IGHMBP2: variants seen among roughly 807,000 people sequenced by gnomAD.
IGHMBP2 encodes DNA-binding protein SMUBP-2.
A neutral mutation model predicts 96.0 loss-of-function variants in IGHMBP2; 81 were observed. The ratio of observed to expected loss-of-function variants is 0.84; its 90% CI spans 0.71 to 1.01. IGHMBP2 has a LOEUF of 1.01. IGHMBP2 is among the 50% of genes least tolerant of loss of function. The pLI, the probability that IGHMBP2 is intolerant of heterozygous loss-of-function variation, is 0.00. For synonymous variants in IGHMBP2, 557 were observed against 548.9 expected (o/e 1.01, Z -0.21); for missense variants, 1,227 against 1,306.3 (o/e 0.94, Z 0.94).
chr11:68,904,293 A>G (rs1858083243), intron 1 of IGHMBP2, among the ~76,000 whole-genome samples: 1 of 151,958 alleles, frequency 6.6e-6, no homozygotes, highest in Admixed American at 6.5e-5. Flanking sequence ...CACTAAGCTT[A>G]CACTCCTGGG....
intron 5 of IGHMBP2, among the ~76,000 whole-genome samples, chr11:68,913,618 C>T (rs1245763555): frequency 6.7e-6 from 1 of 149,670 alleles, no homozygotes; most frequent in Non-Finnish European, 1.5e-5. Context: ...CAGCGTCTCA[C>T]TTTTAATAGT....
intron 7 of IGHMBP2, among the ~76,000 whole-genome samples, chr11:68,919,449 G>A (rs985019891): frequency 1.3e-5 from 2 of 152,176 alleles, no homozygotes; most frequent in African/African-American, 4.8e-5. Flanking sequence ...TTCTGTTATT[G>A]GTTTCTAATT....
In IGHMBP2 at chr11:68,934,477, C is replaced by G. The variant is rs150549628; in HGVS notation, c.1551C>G (p.Leu517=). ...CTTTCCCTCCAGGCGAAGTCCGCCT[C>G]GTCAGTTTGCACATCCAGGCTCTGG... ...QSKGNPGEVR[L]VSLHIQALVD... Residue 517 remains leucine (L), a synonymous_variant, in exon 11 of 15, where the codon CTC becomes CTG. Coordinates refer to ENST00000255078, the MANE Select transcript of IGHMBP2 (RefSeq NM_002180.3). 1 of 1,610,126 alleles carries G rather than the reference C, an allele frequency of 6.2e-7. No individual in the cohort carries two copies. Among genetic ancestry groups the G allele is most frequent in the African/African-American group, 1.3e-5 (1 of 74,950 alleles).
chr11:68,906,969 A>G (rs1858226745), intron 2 of IGHMBP2, among the ~76,000 whole-genome samples: 1 of 152,012 alleles, frequency 6.6e-6, no homozygotes, highest in Non-Finnish European at 1.5e-5. Flanking sequence ...TATGGCTACT[A>G]GAAAACTTAA....
chr11:68,911,372 T>A (rs1051811644), intron 4 of IGHMBP2, 68 bp from the exon 5 acceptor site: 12 of 1,535,578 alleles, frequency 7.8e-6, no homozygotes, highest in Non-Finnish European at 1.1e-5. Flanking sequence ...GGGCACACAC[T>A]CTCTGAGGAG....
At chr11:68,906,268 G>A (rs760896643) in intron 2 of IGHMBP2, 30 bp downstream of exon 2, 2 of 1,610,268 alleles carry the variant, frequency 1.2e-6, no homozygotes. Context: ...GACAGACATT[G>A]AAATTTACTG....
intron 13 of IGHMBP2, among the ~76,000 whole-genome samples, chr11:68,937,530 C>T (rs1329727561): frequency 6.6e-6 from 1 of 152,278 alleles, no homozygotes; most frequent in Admixed American, 6.5e-5. Flanking sequence ...CAGGGGCTGG[C>T]TGAGCGCAAA....
chr11:68,929,744 G>A, intron 8 of IGHMBP2: 2 of 985,450 alleles, frequency 2.0e-6, no homozygotes, highest in Non-Finnish European at 2.4e-6. Flanking sequence ...TCTTCAATCT[G>A]TAGACACATC....
At chr11:68,937,274 G>T (rs1216737264) in intron 13 of IGHMBP2, among the ~76,000 whole-genome samples, 183 bp downstream of exon 13, 1 of 152,202 alleles carries the variant, frequency 6.6e-6, no homozygotes, top group African/African-American at 2.4e-5. Flanking sequence ...CTAGGTCGGT[G>T]ATCAGGTCAC....
At chr11:68,932,653 G>C (rs1023334661) in intron 8 of IGHMBP2, 2 of 154,614 alleles carry the variant, frequency 1.3e-5, no homozygotes, top group African/African-American at 4.8e-5. Flanking sequence ...GAGTGGACTT[G>C]ACTGCTCACA....
chr11:68,934,287 T>TGCCC, intron 10 of IGHMBP2, 177 bp from the exon 11 acceptor site: 2 of 678,294 alleles, frequency 2.9e-6, no homozygotes, highest in Non-Finnish European at 5.4e-6. Flanking sequence ...AAATTCAAGT[T>TGCCC]AGCTGGGCAT....
intron 9 of IGHMBP2, 91 bp from the exon 10 acceptor site, chr11:68,933,704 T>C: frequency 8.8e-7 from 1 of 1,132,554 alleles, no homozygotes; most frequent in Non-Finnish European, 1.3e-6. Context: ...TACCTAAGCC[T>C]TTTCCTCGTG....
rs545841827 is a variant in IGHMBP2, at chr11:68,929,915, G to A, written c.1235+558G>A. 1.5e-4 allele frequency: 142 copies of A among 977,416 alleles called. No individual in the cohort carries two copies. The African/African-American group carries it at 2.5e-3, about 17-fold the overall frequency. 60.5% of individuals were successfully genotyped at this position (977,416 alleles called of 1,614,324 possible). On this transcript the variant is annotated intron_variant, in intron 8 of 14. Transcript: ENST00000255078. ...AGGCTGTCCTGGTGGAGACACTGGA[G>A]CCCTGATGCAGTGGCCTGGCCCAGG... is the stretch of plus-strand genomic sequence containing the variant.
chr11:68,935,197 C>T, intron 11 of IGHMBP2, 102 bp from the exon 12 acceptor site: 1 of 1,495,090 alleles, frequency 6.7e-7, no homozygotes. Flanking sequence ...TTCCCAGGTC[C>T]TGGCTGTTTC....
In IGHMBP2 at chr11:68,911,474, C is replaced by A. The variant is rs141587272; in HGVS notation, c.582C>A (p.Thr194=). The change falls in exon 5 of 15, where the codon ACC becomes ACA. Residue 194 remains threonine, a synonymous_variant. Coordinates refer to ENST00000255078, the MANE Select transcript of IGHMBP2 (RefSeq NM_002180.3). ...CATTCTTCAACACCTGCCTGGACAC[C>A]TCCCAGAAAGAAGCGGTTTTATTTG... The part of the protein sequence containing the change: ...PLTFFNTCLD[T]SQKEAVLFAL... 1 of 1,614,146 alleles carries A rather than the reference C, an allele frequency of 6.2e-7. No individual in the cohort carries two copies. The highest frequency in any genetic ancestry group is 8.5e-7 in the Non-Finnish European group (1 of 1,180,028).
intron 12 of IGHMBP2, 51 bp from the exon 13 acceptor site, chr11:68,936,186 T>G (rs774940375): frequency 1.2e-6 from 2 of 1,605,568 alleles, no homozygotes; most frequent in African/African-American, 1.3e-5. Flanking sequence ...GGAGCCTGAC[T>G]GTGTTTCTTA....
chr11:68,904,880 CT>C (rs1858125680), intron 1 of IGHMBP2, among the ~76,000 whole-genome samples: 1 of 146,762 alleles, frequency 6.8e-6, no homozygotes, highest in Non-Finnish European at 1.5e-5. Context: ...CTTACTGCAG[CT>C]TCCATCTCCC....
At chr11:68,906,009 G>C in intron 1 of IGHMBP2, 60 bp from the exon 2 acceptor site, 1 of 1,490,048 alleles carries the variant, frequency 6.7e-7, no homozygotes, top group Non-Finnish European at 9.4e-7. Context: ...TACTTTTCCT[G>C]GGTGGGTGGA....
rs752694569 is a variant in IGHMBP2, at chr11:68,908,537, C to G, written c.453C>G (p.Ala151=). The change falls in exon 4 of 15, where the codon GCC becomes GCG. Residue 151 remains alanine, a synonymous_variant. Coordinates refer to ENST00000255078, the MANE Select transcript of IGHMBP2 (RefSeq NM_002180.3). ...NDVTYRRLKK[A]LIALKKYHSG... is the part of the protein sequence containing the mutation. ...TTTTAGTTTTCTCCCTTGGCAGAGC[C>G]CTGATTGCTCTAAAGAAGTATCATT... 1 of 1,612,620 alleles carries G rather than the reference C, an allele frequency of 6.2e-7. No individual in the cohort carries two copies. The highest frequency in any genetic ancestry group is 8.5e-7 in the Non-Finnish European group (1 of 1,178,690).
Sources: gnomAD v4.1 joint callset for allele counts (sites outside exome capture counted in the v4.1 genomes callset) on GRCh38, gnomAD v4.1.1 for gene constraint, MANE v1.5 for transcripts, NCBI Gene and HGNC (gene_info 2026-07-23, HGNC 2026-07-21) for gene names.